FGF12: variants seen among roughly 807,000 people sequenced by gnomAD.
FGF12 encodes fibroblast growth factor 12B.
A neutral mutation model predicts 23.6 loss-of-function variants in FGF12; 14 were observed. The observed-to-expected ratio is 0.59, with a 90% confidence interval of 0.39 to 0.93. The LOEUF is 0.93. FGF12 is among the 40% of genes least tolerant of loss of function. The pLI is 0.00. For missense variants in FGF12, 175 were observed against 217.8 expected, an observed-to-expected ratio of 0.80 and a Z score of 1.24; for synonymous variants, 62 against 77.3, an observed-to-expected ratio of 0.80 and a Z score of 1.04.
intron 4 of FGF12, chr3:192,265,495 C>A (rs866510154): frequency 6.6e-6 from 1 of 152,180 alleles, no homozygotes; most frequent in African/African-American, 2.4e-5. Context: ...GTATGTCCTA[C>A]AGGACAAATC....
At chr3:192,633,672 G>A (rs1715478486) in intron 2 of FGF12, among the ~76,000 whole-genome samples, 1 of 152,132 alleles carries the variant, frequency 6.6e-6, no homozygotes, top group African/African-American at 2.4e-5. Context: ...CCCTGCAAAA[G>A]CCCCCGCTTC....
rs550199401 is a variant in FGF12, at chr3:192,412,656, T to A, written c.14-52118A>T. ...GAGAAGAGGTGAGTATAAAGAAATT[T>A]AAGAAGTTAGCTAAGACCTAAATAT... On this transcript the variant is annotated intron_variant, in intron 2 of 5. Coordinates refer to ENST00000445105, the MANE Select transcript of FGF12 (RefSeq NM_004113.6). 5.3e-5 allele frequency among the ~76,000 whole-genome samples: 8 copies of A among 152,346 alleles called. No homozygotes were observed. The South Asian group carries it at 1.7e-3, about 32-fold the overall frequency.
intron 2 of FGF12, among the ~76,000 whole-genome samples, chr3:192,378,043 T>TTTCTTTCC (rs1719620676): frequency 1.2e-5 from 1 of 83,636 alleles, no homozygotes; most frequent in Non-Finnish European, 2.1e-5. Flanking sequence ...TCTTTCTTTC[T>TTTCTTTCC]TTCTTTCTTT....
chr3:192,215,665 T>G (rs758062845), intron 4 of FGF12, among the ~76,000 whole-genome samples: 2 of 152,196 alleles, frequency 1.3e-5, no homozygotes, highest in Non-Finnish European at 2.9e-5. Context: ...TCATTGTCTC[T>G]CCAAATAGCT....
chr3:192,315,258 C>T (rs73066560), intron 4 of FGF12, among the ~76,000 whole-genome samples: 12,412 of 152,132 alleles, frequency 0.082, 754 homozygotes, highest in East Asian at 0.19. Context: ...AAATTTGTTT[C>T]GTCGTTGTTG....
intron 2 of FGF12, among the ~76,000 whole-genome samples, chr3:192,394,026 C>G (rs116660639): frequency 0.019 from 2,962 of 152,304 alleles, 102 homozygotes; most frequent in African/African-American, 0.068. Flanking sequence ...TACTACATTT[C>G]TATTGCTTAA....
chr3:192,720,940 T>A (rs1250589019), intron 2 of FGF12, among the ~76,000 whole-genome samples: 1 of 152,172 alleles, frequency 6.6e-6, no homozygotes, highest in East Asian at 1.9e-4. Flanking sequence ...ATTTACACAG[T>A]TTATGTTTTA....
intron 4 of FGF12, among the ~76,000 whole-genome samples, chr3:192,295,091 G>C (rs1000695319): frequency 6.6e-6 from 1 of 152,142 alleles, no homozygotes; most frequent in African/African-American, 2.4e-5. Flanking sequence ...GAGAAGAAAC[G>C]GTATGAATCT....
chr3:192,385,269 T>C (rs1160145383), intron 2 of FGF12, among the ~76,000 whole-genome samples: 1 of 152,132 alleles, frequency 6.6e-6, no homozygotes, highest in Non-Finnish European at 1.5e-5. Context: ...TGTAGATTTT[T>C]TCTAATTTAA....
Position 192,409,340 on chromosome 3 carries a change from C to A in FGF12, c.14-48802G>T, listed in dbSNP as rs1445100569. On this transcript the variant is annotated intron_variant, in intron 2 of 5. Transcript: ENST00000445105. The surrounding 1 kb of genome is among the most constrained non-coding windows in gnomAD (Gnocchi z 4.8). ...CGCCCACACGCCTTTAACTGGAGCT[C>A]CCCGCCATGGTCCACCCGGGGCCGC... Among the ~76,000 whole-genome samples the A allele has an allele frequency of 2.0e-5, 3 of 152,206 alleles. No homozygotes were observed. The highest frequency in any genetic ancestry group is 7.2e-5 in the African/African-American group (3 of 41,468).
intron 2 of FGF12, among the ~76,000 whole-genome samples, chr3:192,676,531 C>A (rs1264589912): frequency 6.6e-6 from 1 of 152,162 alleles, no homozygotes; most frequent in Non-Finnish European, 1.5e-5. Flanking sequence ...AGAATGGATT[C>A]ATTATATGTG....
At chr3:192,597,287 C>T (rs887306089) in intron 2 of FGF12, among the ~76,000 whole-genome samples, 3 of 152,088 alleles carry the variant, frequency 2.0e-5, no homozygotes, top group African/African-American at 4.8e-5. Context: ...TCTATTGAAT[C>T]GTTCACGCAC....
At chr3:192,600,359 G>A (rs953653743) in intron 2 of FGF12, among the ~76,000 whole-genome samples, 18 of 151,860 alleles carry the variant, frequency 1.2e-4, no homozygotes, top group African/African-American at 2.4e-4. Flanking sequence ...GCTCAGAATC[G>A]TTTTGGCTAT....
At chr3:192,395,274 A>C (rs2002583) in intron 2 of FGF12, among the ~76,000 whole-genome samples, 18,312 of 152,226 alleles carry the variant, frequency 0.12, 1,197 homozygotes, top group Non-Finnish European at 0.13. Context: ...TGAAGGTGTT[A>C]GGCAAAGTAA....
intron 5 of FGF12, among the ~76,000 whole-genome samples, chr3:192,154,853 T>C (rs1205537397): frequency 2.1e-5 from 3 of 143,868 alleles, no homozygotes; most frequent in Non-Finnish European, 4.6e-5. Flanking sequence ...CAGTTCGAGC[T>C]TCCCGGCTGC....
rs114232982 is a variant in FGF12 at position 192,337,109 on chromosome 3, G to C, written c.125-1645C>G. On this transcript the variant is annotated intron_variant, in intron 3 of 5. Transcript: ENST00000445105. ...AACAACTTAAGAAATACAAGAACTA[G>C]ACAAAGTCTAGTTGGGGAGAAAAAG... 4.4e-3 allele frequency among the ~76,000 whole-genome samples: 675 copies of C among 152,204 alleles called. 1 individual carries two copies. Among genetic ancestry groups the C allele is most frequent in the African/African-American group, 0.016 (646 of 41,546 alleles).
At chr3:192,153,963 A>T (rs1465565480) in intron 5 of FGF12, among the ~76,000 whole-genome samples, 1 of 49,388 alleles carries the variant, frequency 2.0e-5, no homozygotes, top group East Asian at 5.1e-4. Context: ...AATCAGACGT[A>T]GATTTGGTCT....
chr3:192,530,229 T>G (rs1442947511), intron 2 of FGF12, among the ~76,000 whole-genome samples: 1 of 152,172 alleles, frequency 6.6e-6, no homozygotes, highest in Non-Finnish European at 1.5e-5. Context: ...AAACTGGACC[T>G]AGGATTACCT....
rs115389926 is a variant in FGF12 at position 192,336,898 on chromosome 3, C to A, written c.125-1434G>T. 0.014 allele frequency among the ~76,000 whole-genome samples: 2,198 copies of A among 152,220 alleles called. 43 individuals are homozygous for A. The highest frequency in any genetic ancestry group is 0.049 in the African/African-American group (2,052 of 41,534). On this transcript the variant is annotated intron_variant, in intron 3 of 5. Coordinates refer to ENST00000445105, the MANE Select transcript of FGF12 (RefSeq NM_004113.6). The surrounding 1 kb of genome is among the most constrained non-coding windows in gnomAD (Gnocchi z 4.3). ...ACCACAAGTTTAGTAGAACAGGATTCCATTCTTAGCTGTCGACATCGGATC... is the reference window on the plus strand; with the variant it reads ...ACCACAAGTTTAGTAGAACAGGATTACATTCTTAGCTGTCGACATCGGATC...
Sources: gnomAD v4.1 joint callset for allele counts (sites outside exome capture counted in the v4.1 genomes callset) on GRCh38, gnomAD v4.1.1 for gene constraint, Gnocchi (gnomAD v3.1) non-coding constraint, MANE v1.5 for transcripts, NCBI Gene and HGNC (gene_info 2026-07-23, HGNC 2026-07-21) for gene names.